Variants in SAMD12 observed in about 807,000 individuals in gnomAD.
The protein encoded by SAMD12 is sterile alpha motif domain containing 12.
Under a neutral mutation model 15.0 loss-of-function variants are expected in SAMD12, and 9 were observed. The observed-to-expected ratio is 0.60, with a 90% CI of 0.36 to 1.05. The LOEUF is 1.05. SAMD12 is among the 50% of genes least tolerant of loss of function. SAMD12 has a pLI of 0.01. For missense variants in SAMD12, 230 were observed against 234.2 expected, an observed-to-expected ratio of 0.98 and a Z score of 0.12; for synonymous variants, 86 against 90.1, an observed-to-expected ratio of 0.96 and a Z score of 0.25.
In SAMD12 at chr8:118,246,172, A is replaced by C. The variant is rs530113617; in HGVS notation, c.434-48440T>G. 3.9e-5 allele frequency among the ~76,000 whole-genome samples: 6 copies of C among 152,290 alleles called. No individual in the cohort carries two copies. The South Asian group carries it at 6.2e-4, about 16-fold the overall frequency. ...ATGACCATTAGGAGCCTAGTCTAAC[A>C]GGAGAGTTGTCAGTGGCCTCCAAAG... On this transcript the variant is annotated intron_variant, in intron 4 of 4. Coordinates refer to the SAMD12 transcript ENST00000409003.
chr8:118,397,097 A>T (rs1443277546), intron 3 of SAMD12, among the ~76,000 whole-genome samples: 1 of 152,208 alleles, frequency 6.6e-6, no homozygotes, highest in African/African-American at 2.4e-5. Context: ...CACATCTATG[A>T]GATATTCAAT....
chr8:118,321,295 GTTTTTTTT>G (rs1380612836), intron 4 of SAMD12, among the ~76,000 whole-genome samples: 1 of 87,152 alleles, frequency 1.1e-5, no homozygotes, highest in African/African-American at 6.8e-5. Context: ...TTTTTTTTTT[GTTTTTTTT>G]TTTTTTGGTT....
intron 3 of SAMD12, among the ~76,000 whole-genome samples, chr8:118,386,006 T>G (rs1819934700): frequency 6.6e-6 from 1 of 152,142 alleles, no homozygotes; most frequent in Admixed American, 6.5e-5. Flanking sequence ...CTTTTTCTAT[T>G]TTTGAACACA....
chr8:118,417,395 T>C (rs1176376004), intron 3 of SAMD12, among the ~76,000 whole-genome samples: 1 of 152,152 alleles, frequency 6.6e-6, no homozygotes, highest in African/African-American at 2.4e-5. Context: ...GAGTTGCTTT[T>C]TGAAAGAAGG....
chr8:118,225,896 G>C (rs917885549), intron 4 of SAMD12, among the ~76,000 whole-genome samples: 2 of 152,136 alleles, frequency 1.3e-5, no homozygotes, highest in Admixed American at 6.6e-5. Context: ...GGCTAAGGAT[G>C]CAGTGAATTA....
In SAMD12 at chr8:118,379,007, A is replaced by AGTGT. The variant is rs562027980; in HGVS notation, c.*406_*409dup. 6.3e-5 allele frequency: 62 copies of AGTGT among 985,124 alleles called. No homozygotes were observed. In the South Asian group the frequency reaches 2.6e-3, roughly 42 times the overall value. The allele number at this position is 985,124 out of a possible 1,614,324, so 61.0% of individuals were successfully genotyped here. A position where few individuals can be genotyped will look rare whatever the true frequency, so the allele number is the denominator to read the frequency against. Reference sequence around the variant, plus strand: ...TAAATGGGGTTCTTACAATCTCTAAAGTGTGTGTGTATAATACATTCATGT... The same window carrying AGTGT: ...TAAATGGGGTTCTTACAATCTCTAAAGTGTGTGTGTGTGTATAATACATTCATGT... On this transcript the variant is annotated 3_prime_UTR_variant, in exon 4 of 4. Coordinates refer to ENST00000314727, the MANE Select transcript of SAMD12 (RefSeq NM_207506.3).
At chr8:118,548,423 A>ACACACACACCCCC (rs1491292990) in intron 2 of SAMD12, among the ~76,000 whole-genome samples, 1 of 125,260 alleles carries the variant, frequency 8.0e-6, no homozygotes, top group African/African-American at 3.0e-5. Flanking sequence ...ACACACACAC[A>ACACACACACCCCC]CCCCATGTGA....
At chr8:118,212,980 A>T (rs1464855881) in intron 4 of SAMD12, among the ~76,000 whole-genome samples, 1 of 152,208 alleles carries the variant, frequency 6.6e-6, no homozygotes, top group African/African-American at 2.4e-5. Context: ...CAAACCTCAA[A>T]TCCCTGCCTT....
chr8:118,200,869 G>C (rs771975653), intron 4 of SAMD12, among the ~76,000 whole-genome samples: 5 of 152,018 alleles, frequency 3.3e-5, no homozygotes, highest in Non-Finnish European at 7.4e-5. Flanking sequence ...GATCAGGCTG[G>C]GGTGCAGTGG....
chr8:118,429,512 A>T (rs1385198683), intron 3 of SAMD12, among the ~76,000 whole-genome samples: 1 of 152,220 alleles, frequency 6.6e-6, no homozygotes, highest in Non-Finnish European at 1.5e-5. Context: ...ACATAAAAAT[A>T]ATTTCACTTC....
intron 2 of SAMD12, among the ~76,000 whole-genome samples, chr8:118,527,894 G>C (rs1825573909): frequency 6.6e-6 from 1 of 152,156 alleles, no homozygotes; most frequent in Non-Finnish European, 1.5e-5. Flanking sequence ...TCCTGACACT[G>C]ACTGGTATAT....
chr8:118,131,847 G>A, the SAMD12 span, among the ~76,000 whole-genome samples: 24 of 152,182 alleles, frequency 1.6e-4, no homozygotes, highest in Non-Finnish European at 3.2e-4. Context: ...CTTCCGACAA[G>A]TTTTATTTAT....
chr8:118,543,684 G>C (rs1232448409), intron 2 of SAMD12, among the ~76,000 whole-genome samples: 1 of 89,704 alleles, frequency 1.1e-5, no homozygotes, highest in Admixed American at 1.4e-4. Flanking sequence ...GTGTATTTAT[G>C]TGTGGCCCAA....
intron 4 of SAMD12, among the ~76,000 whole-genome samples, chr8:118,268,807 C>T (rs1813268360): frequency 6.6e-6 from 1 of 152,072 alleles, no homozygotes. Context: ...AAGCCAGACT[C>T]TGTCTCAAAA....
the SAMD12 span, among the ~76,000 whole-genome samples, chr8:118,164,797 C>A: frequency 6.6e-6 from 1 of 150,730 alleles, no homozygotes; most frequent in Non-Finnish European, 1.5e-5. Context: ...ATATTAGAAC[C>A]GTTGTCTCTC....
intron 4 of SAMD12, among the ~76,000 whole-genome samples, chr8:118,249,166 T>C (rs559557973): frequency 1.3e-5 from 2 of 152,274 alleles, no homozygotes; most frequent in African/African-American, 4.8e-5. Flanking sequence ...TATTTGGAAA[T>C]GAAAGATATG....
chr8:118,569,490 A>G (rs987026285), intron 2 of SAMD12, among the ~76,000 whole-genome samples: 10 of 152,194 alleles, frequency 6.6e-5, no homozygotes, highest in African/African-American at 2.4e-4. Context: ...CTTAATCTGT[A>G]TAAGTCAGAC....
chr8:118,475,145 A>G (rs928515129), intron 2 of SAMD12, among the ~76,000 whole-genome samples: 1 of 152,228 alleles, frequency 6.6e-6, no homozygotes, highest in Non-Finnish European at 1.5e-5. Flanking sequence ...AGGCTGAGGC[A>G]GGAGAATCAC....
intron 2 of SAMD12, among the ~76,000 whole-genome samples, chr8:118,503,303 C>A (rs568052548): frequency 6.6e-5 from 10 of 152,234 alleles, no homozygotes; most frequent in African/African-American, 2.2e-4. Context: ...ACCAGTAGTG[C>A]ATTATGAAGA....
Sources: gnomAD v4.1 joint callset for allele counts (sites outside exome capture counted in the v4.1 genomes callset) on GRCh38, gnomAD v4.1.1 for gene constraint, MANE v1.5 for transcripts, NCBI Gene and HGNC (gene_info 2026-07-23, HGNC 2026-07-21) for gene names.